Variants in VEPH1 observed in about 807,000 individuals in gnomAD.
VEPH1 encodes ventricular zone-expressed PH domain-containing protein homolog 1.
In VEPH1, 80 loss-of-function variants were observed where a neutral mutation model predicts 85.2. The ratio of observed to expected loss-of-function variants is 0.94; its 90% CI spans 0.78 to 1.13. The LOEUF is 1.13. VEPH1 is among the 50% of genes most tolerant of loss of function. The pLI, the probability that VEPH1 is intolerant of heterozygous loss-of-function variation, is 0.00. For synonymous variants in VEPH1, 297 were observed against 348.0 expected (o/e 0.85, Z 1.63); for missense variants, 955 against 980.5 (o/e 0.97, Z 0.35).
chr3:157,356,922 CAACAATAA>C (rs1387471732), intron 9 of VEPH1, among the ~76,000 whole-genome samples: 1 of 152,118 alleles, frequency 6.6e-6, no homozygotes, highest in African/African-American at 2.4e-5. Flanking sequence ...AGTCCCCAAA[CAACAATAA>C]TGGATGACTG....
chr3:157,284,889 GTAAA>G (rs1472660303), intron 12 of VEPH1: 2 of 152,190 alleles, frequency 1.3e-5, no homozygotes, highest in African/African-American at 4.8e-5. Context: ...ATAAGAAAGA[GTAAA>G]TGTGCAGAAC....
At chr3:157,410,566 A>G (rs1227727458) in intron 6 of VEPH1, among the ~76,000 whole-genome samples, 1 of 152,154 alleles carries the variant, frequency 6.6e-6, no homozygotes, top group Non-Finnish European at 1.5e-5. Context: ...AAGTTGGACA[A>G]ATTTACTCAA....
chr3:157,371,379 C>T (rs529013335), intron 7 of VEPH1, among the ~76,000 whole-genome samples: 3 of 152,274 alleles, frequency 2.0e-5, no homozygotes, highest in Admixed American at 2.0e-4. Flanking sequence ...AATTCAGATG[C>T]CCAATCATTT....
Position 157,363,470 on chromosome 3 carries a change from G to A in VEPH1, c.1629C>T (p.Tyr543=). 6.2e-7 allele frequency: 1 copy of A among 1,613,930 alleles called. No individual in the cohort carries two copies. The highest frequency in any genetic ancestry group is 8.5e-7 in the Non-Finnish European group (1 of 1,179,948). Residue 543 remains tyrosine (Y), a synonymous_variant, in exon 9 of 14, where the codon TAC becomes TAT. Transcript: ENST00000362010. The part of the protein sequence containing the change: ...TPETTASPIE[Y]QDKLYLHLKK... ...TTAAGTGCAAGTAGAGCTTATCTTG[G>A]TATTCTATAGGACTTGCAGTTGTCT...
intron 9 of VEPH1, among the ~76,000 whole-genome samples, chr3:157,355,051 A>G (rs1218828032): frequency 1.3e-5 from 2 of 152,108 alleles, no homozygotes; most frequent in African/African-American, 4.8e-5. Flanking sequence ...TTTCCACAGG[A>G]CAGACGGTTC....
intron 2 of VEPH1, among the ~76,000 whole-genome samples, chr3:157,477,742 A>G (rs1328679997): frequency 6.6e-6 from 1 of 152,148 alleles, no homozygotes; most frequent in Non-Finnish European, 1.5e-5. Flanking sequence ...TGGAATAGCT[A>G]TGGTGAGGGA....
chr3:157,457,431 G>A (rs530256292), intron 4 of VEPH1, among the ~76,000 whole-genome samples: 11 of 152,290 alleles, frequency 7.2e-5, no homozygotes, highest in Non-Finnish European at 1.5e-4. Flanking sequence ...AATAGGAGTG[G>A]TGAGAGAGGG....
intron 11 of VEPH1, among the ~76,000 whole-genome samples, chr3:157,293,982 T>G (rs139481106): frequency 5.1e-4 from 77 of 152,350 alleles, no homozygotes; most frequent in African/African-American, 1.7e-3. Flanking sequence ...AGCACTTACA[T>G]ATTCTCCTTT....
chr3:157,473,799 T>C (rs1264518361), intron 2 of VEPH1, among the ~76,000 whole-genome samples: 4 of 152,148 alleles, frequency 2.6e-5, no homozygotes, highest in Admixed American at 2.0e-4. Flanking sequence ...GAGGTATCAG[T>C]CTATTGCTAT....
rs562432754 is a variant in VEPH1 at position 157,309,350 on chromosome 3, C to T, written c.2010+4271G>A. Among the ~76,000 whole-genome samples the T allele has an allele frequency of 8.5e-5, 13 of 152,254 alleles. No individual in the cohort carries two copies. In the South Asian group the frequency reaches 2.7e-3, roughly 32 times the overall value. On this transcript the variant is annotated intron_variant, in intron 11 of 13. Transcript: ENST00000362010. ...TGTTATCAGACAAATATTTATCATG[C>T]TAAGAACACATCTTTCCATTTCTAG...
intron 2 of VEPH1, among the ~76,000 whole-genome samples, chr3:157,487,001 G>C (rs1738717213): frequency 6.6e-6 from 1 of 151,986 alleles, no homozygotes; most frequent in Non-Finnish European, 1.5e-5. Context: ...AAAACTTGTA[G>C]AATGATACTA....
At chr3:157,466,073 G>A (rs899469854) in intron 3 of VEPH1, among the ~76,000 whole-genome samples, 4 of 152,186 alleles carry the variant, frequency 2.6e-5, no homozygotes, top group Non-Finnish European at 5.9e-5. Flanking sequence ...TTCTAGAACA[G>A]CAGCTATGTC....
intron 9 of VEPH1, among the ~76,000 whole-genome samples, chr3:157,325,140 G>C (rs1721753661): frequency 6.6e-6 from 1 of 152,088 alleles, no homozygotes; most frequent in African/African-American, 2.4e-5. Context: ...GTCTTCTTTT[G>C]AGAAGTGGCT....
intron 12 of VEPH1, among the ~76,000 whole-genome samples, chr3:157,272,895 C>A (rs1500927): frequency 6.6e-6 from 1 of 151,954 alleles, no homozygotes; most frequent in African/African-American, 2.4e-5. Flanking sequence ...CACTTGCCAT[C>A]ACCTTTCTTC....
intron 6 of VEPH1, among the ~76,000 whole-genome samples, chr3:157,410,694 CA>C (rs561820487): frequency 2.1e-3 from 325 of 152,222 alleles, no homozygotes; most frequent in African/African-American, 7.4e-3. Context: ...TACAAATAAT[CA>C]AGAAAGAGCA....
rs144689576 is a variant in VEPH1, at chr3:157,347,621, T to C, written c.1735+15743A>G. ...GGGAGTAGAGATGCACATGTGGTGA[T>C]TGGAAGCCCAGGAGGGCAGCGTGGA... On this transcript the variant is annotated intron_variant, in intron 9 of 13. Transcript: ENST00000362010. Among the ~76,000 whole-genome samples the C allele has an allele frequency of 6.1e-3, 934 of 152,330 alleles. 16 individuals are homozygous for C. Among genetic ancestry groups the C allele is most frequent in the African/African-American group, 0.021 (882 of 41,584 alleles).
intron 1 of VEPH1, among the ~76,000 whole-genome samples, chr3:157,502,440 CT>C (rs1474763310): frequency 1.3e-5 from 2 of 152,168 alleles, no homozygotes; most frequent in African/African-American, 4.8e-5. Flanking sequence ...TCATTTTCAC[CT>C]GTAAATGTTG....
intron 7 of VEPH1, among the ~76,000 whole-genome samples, chr3:157,379,623 C>G (rs1333051412): frequency 6.6e-6 from 1 of 152,174 alleles, no homozygotes; most frequent in Non-Finnish European, 1.5e-5. Flanking sequence ...ACCCAAATGA[C>G]TAAATGCTCA....
At chr3:157,420,270 C>T (rs558722964) in intron 5 of VEPH1, among the ~76,000 whole-genome samples, 4 of 152,030 alleles carry the variant, frequency 2.6e-5, no homozygotes, top group Admixed American at 6.6e-5. Flanking sequence ...TAGCAAACCA[C>T]GATGGCACAC....
Sources: allele counts gnomAD v4.1 joint callset (sites outside exome capture counted in the v4.1 genomes callset), GRCh38; gene constraint gnomAD v4.1.1; transcripts MANE v1.5; gene names NCBI Gene and HGNC (gene_info 2026-07-23, HGNC 2026-07-21).